CASZ1: variants seen among roughly 807,000 people sequenced by gnomAD.
CASZ1 encodes castor zinc finger 1, also known as zinc finger protein castor homolog 1.
In CASZ1, 28 loss-of-function variants were observed where a neutral mutation model predicts 135.2. The ratio of observed to expected loss-of-function variants is 0.21; its 90% confidence interval spans 0.15 to 0.28. The LOEUF is 0.28. CASZ1 is among the 10% of genes least tolerant of loss of function. The pLI is 1.00. For synonymous variants in CASZ1, 1,068 were observed against 1,073.4 expected (o/e 0.99, Z 0.10); for missense variants, 2,161 against 2,453.3 (o/e 0.88, Z 2.52).
intron 20 of CASZ1, 109 bp downstream of exon 20, chr1:10,642,750 C>T: frequency 7.9e-7 from 1 of 1,270,520 alleles, no homozygotes; most frequent in Non-Finnish European, 1.1e-6. Context: ...GCCAGCCTGT[C>T]CTCCTCGGAG....
Position 10,777,436 on chromosome 1 carries a change from C to T in CASZ1, c.-233-16579G>A, listed in dbSNP as rs187330889. On this transcript the variant is annotated intron_variant, in intron 1 of 20. Transcript: ENST00000377022. This position sits in a 1 kb window ranked among gnomAD's most constrained non-coding sequence, Gnocchi z 4.4. ...TCCCACAAAATCCTCTGAGCTCATG[C>T]GGAAGGAAGAATTGCCATTCAGCCC... Among the ~76,000 whole-genome samples the T allele has an allele frequency of 6.6e-6, 1 of 152,096 alleles. No homozygotes were observed. Among genetic ancestry groups the T allele is most frequent in the Non-Finnish European group, 1.5e-5 (1 of 68,024 alleles).
At chr1:10,655,976 C>T (rs778689469) in intron 8 of CASZ1, among the ~76,000 whole-genome samples, 163 bp from the exon 9 acceptor site, 11 of 152,182 alleles carry the variant, frequency 7.2e-5, no homozygotes, top group African/African-American at 1.4e-4. Flanking sequence ...GTGGCAGGCA[C>T]ATCAGCCCTT....
Position 10,647,056 on chromosome 1 carries a change from C to G in CASZ1, c.3498-730G>C, listed in dbSNP as rs1384582920. 6 of 191,228 alleles carry G rather than the reference C, an allele frequency of 3.1e-5. No homozygotes were observed. Among genetic ancestry groups the G allele is most frequent in the Admixed American group, 2.6e-4 (4 of 15,238 alleles). The allele number at this position is 191,228 out of a possible 1,614,324, so 11.8% of individuals were successfully genotyped here. A position where few individuals can be genotyped will look rare whatever the true frequency, so the allele number is the denominator to read the frequency against. On this transcript the variant is annotated intron_variant, in intron 16 of 20. Coordinates refer to ENST00000377022, the MANE Select transcript of CASZ1 (RefSeq NM_001079843.3). The surrounding 1 kb of genome is among the most constrained non-coding windows in gnomAD (Gnocchi z 4.9). The stretch of plus-strand genomic sequence containing the variant: ...CCTCCCAGGGGACCCACGGTGGGCA[C>G]TCTGACCAGGCCAGGGAAACCTGAG...
At position 10,735,855 on chromosome 1, in the gene CASZ1, A is replaced by AGGATCAGGGGCAGCCCCAGGC. The variant is rs1639787651; in HGVS notation, c.-77+24825_-77+24845dup. ...TCAGGGAGCCCAGAGGCAGTGGCTTAGGATCAGGGGCAGCCCCAGGCACAT... is the reference window on the plus strand; with the variant it reads ...TCAGGGAGCCCAGAGGCAGTGGCTTAGGATCAGGGGCAGCCCCAGGCGGATCAGGGGCAGCCCCAGGCACAT... On this transcript the variant is annotated intron_variant, in intron 2 of 20. Coordinates refer to ENST00000377022, the MANE Select transcript of CASZ1 (RefSeq NM_001079843.3). The surrounding 1 kb of genome is among the most constrained non-coding windows in gnomAD (Gnocchi z 5.1). 6.6e-6 allele frequency among the ~76,000 whole-genome samples: 1 copy of AGGATCAGGGGCAGCCCCAGGC among 152,184 alleles called. No individual in the cohort carries two copies. The highest frequency in any genetic ancestry group is 2.1e-4 in the South Asian group (1 of 4,824).
intron 1 of CASZ1, among the ~76,000 whole-genome samples, chr1:10,790,294 A>T (rs866514720): frequency 1.3e-5 from 2 of 152,216 alleles, no homozygotes; most frequent in African/African-American, 2.4e-5. Context: ...GGGCACAGGG[A>T]CCGGCCTTAT....
intron 2 of CASZ1, among the ~76,000 whole-genome samples, chr1:10,745,551 C>G (rs549176974): frequency 1.3e-5 from 2 of 152,308 alleles, no homozygotes; most frequent in South Asian, 4.1e-4. Flanking sequence ...CAAAGGGCAC[C>G]TGCTGGGTTG....
At position 10,739,319 on chromosome 1, in the gene CASZ1, G is replaced by A. The variant is rs1463857565; in HGVS notation, c.-77+21382C>T. Among the ~76,000 whole-genome samples the A allele has an allele frequency of 1.3e-5, 2 of 152,084 alleles. No homozygotes were observed. The highest frequency in any genetic ancestry group is 2.9e-5 in the Non-Finnish European group (2 of 67,972). ...AGGGGTGCAGGTGAAGCTCACATGTGCCACTCTGTGAGTGTCACCGCGAGG... is the reference window on the plus strand; with the variant it reads ...AGGGGTGCAGGTGAAGCTCACATGTACCACTCTGTGAGTGTCACCGCGAGG... On this transcript the variant is annotated intron_variant, in intron 2 of 20. Transcript: ENST00000377022. The surrounding 1 kb of genome is among the most constrained non-coding windows in gnomAD (Gnocchi z 4.8).
chr1:10,758,328 CTT>C (rs756390835), intron 2 of CASZ1, among the ~76,000 whole-genome samples: 3,865 of 133,930 alleles, frequency 0.029, 136 homozygotes, highest in African/African-American at 0.11. Context: ...CTCTCTCTCT[CTT>C]TTTTTTTTTT....
intron 2 of CASZ1, among the ~76,000 whole-genome samples, chr1:10,722,216 C>CCATGGCTTTAG (rs1639509966): frequency 6.6e-6 from 1 of 152,236 alleles, no homozygotes; most frequent in Non-Finnish European, 1.5e-5. Context: ...TTCCTTTACC[C>CCATGGCTTTAG]CATGGCTTTA....
At chr1:10,708,269 C>T (rs1639216049) in intron 2 of CASZ1, among the ~76,000 whole-genome samples, 1 of 152,218 alleles carries the variant, frequency 6.6e-6, no homozygotes, top group African/African-American at 2.4e-5. Context: ...AAAGCAGGAT[C>T]TTGGCCCCAG....
chr1:10,744,882 C>A (rs1003723221), intron 2 of CASZ1, among the ~76,000 whole-genome samples: 1 of 152,172 alleles, frequency 6.6e-6, no homozygotes, highest in African/African-American at 2.4e-5. Flanking sequence ...CCCCGGTACA[C>A]GGTACACGCA....
At chr1:10,781,942 C>T (rs1308591791) in intron 1 of CASZ1, among the ~76,000 whole-genome samples, 7 of 152,212 alleles carry the variant, frequency 4.6e-5, no homozygotes, top group Non-Finnish European at 7.4e-5. Context: ...ACTATCCTCC[C>T]AGCATAGCTC....
At chr1:10,640,164 G>A (rs529350884) in intron 20 of CASZ1, 105 bp from the exon 21 acceptor site, 354 of 1,478,962 alleles carry the variant, frequency 2.4e-4, no homozygotes, top group Non-Finnish European at 3.0e-4. Context: ...GCCAGAGGGC[G>A]GCATTTAGGG....
intron 3 of CASZ1, among the ~76,000 whole-genome samples, chr1:10,705,267 C>G (rs1372858360): frequency 6.6e-6 from 1 of 152,250 alleles, no homozygotes; most frequent in Admixed American, 6.5e-5. Flanking sequence ...TGTCCCCAGA[C>G]CATTTCCAGC....
chr1:10,794,804 T>TAC lies in CASZ1; in HGVS notation c.-234+1758_-234+1759dup, dbSNP rs1455502293. On this transcript the variant is annotated intron_variant, in intron 1 of 20. Coordinates refer to ENST00000377022, the MANE Select transcript of CASZ1 (RefSeq NM_001079843.3). The surrounding 1 kb of genome is among the most constrained non-coding windows in gnomAD (Gnocchi z 5.6). ...CCCTCCAGCCGTGATTGACGGCGCA[T>TAC]ACACCTGTTCCCTTCGCGGAGGAGC... Among the ~76,000 whole-genome samples, 3 of 152,138 alleles carry TAC rather than the reference T, an allele frequency of 2.0e-5. No individual in the cohort carries two copies. The highest frequency in any genetic ancestry group is 4.4e-5 in the Non-Finnish European group (3 of 68,010).
intron 2 of CASZ1, among the ~76,000 whole-genome samples, chr1:10,758,332 T>C (rs140628690): frequency 0.031 from 1,231 of 39,344 alleles, 18 homozygotes; most frequent in African/African-American, 0.057. Context: ...CTCTCTCTTT[T>C]TTTTTTTTTT....
intron 4 of CASZ1, among the ~76,000 whole-genome samples, chr1:10,680,102 G>A (rs549504391): frequency 9.9e-5 from 15 of 152,246 alleles, no homozygotes; most frequent in South Asian, 6.2e-4. Flanking sequence ...GCTTTATGCC[G>A]CCTGGCTTCC....
intron 5 of CASZ1, among the ~76,000 whole-genome samples, chr1:10,661,550 C>T (rs1424557536): frequency 3.3e-5 from 5 of 149,744 alleles, no homozygotes; most frequent in Non-Finnish European, 5.9e-5. Flanking sequence ...GACATTCACA[C>T]GATCACATAC....
chr1:10,730,326 G>T (rs546537637), intron 2 of CASZ1, among the ~76,000 whole-genome samples: 1 of 152,178 alleles, frequency 6.6e-6, no homozygotes, highest in African/African-American at 2.4e-5. Context: ...GAGCCACTGC[G>T]CCCGGCCCCA....
Sources: allele counts gnomAD v4.1 joint callset (sites outside exome capture counted in the v4.1 genomes callset), GRCh38; gene constraint gnomAD v4.1.1; non-coding constraint Gnocchi (gnomAD v3.1); transcripts MANE v1.5; gene names NCBI Gene and HGNC (gene_info 2026-07-23, HGNC 2026-07-21).